MAGI2: variants seen among roughly 807,000 people sequenced by gnomAD.
MAGI2 encodes membrane associated guanylate kinase, WW and PDZ domain containing 2.
MAGI2 carries 35 observed loss-of-function variants against 133.3 expected under a neutral mutation model. That is an observed-to-expected ratio of 0.26 (90% CI 0.20 to 0.35). The LOEUF is 0.35. Among genes scored for constraint, MAGI2 ranks in the 10% least tolerant of loss-of-function variants. MAGI2 has a pLI of 1.00. For synonymous variants in MAGI2, 729 were observed against 710.6 expected, an observed-to-expected ratio of 1.03 and a Z score of -0.41; for missense variants, 1,636 against 1,863.4, an observed-to-expected ratio of 0.88 and a Z score of 2.25.
At position 78,624,078 on chromosome 7, in the gene MAGI2, T is replaced by C. The variant is rs147569736; in HGVS notation, c.538+3042A>G. ...GTTTTGATTTGTGTTTCTTTAATGA[T>C]CAGTGATGTTGAGTTTTTTTCATGT... On this transcript the variant is annotated intron_variant, in intron 3 of 21. Transcript: ENST00000354212. Among the ~76,000 whole-genome samples, 1,036 of 152,264 alleles carry C rather than the reference T, an allele frequency of 6.8e-3. 14 individuals carry two copies. Among genetic ancestry groups the C allele is most frequent in the African/African-American group, 0.018 (763 of 41,570 alleles).
At chr7:78,558,406 A>G (rs1029280695) in intron 3 of MAGI2, among the ~76,000 whole-genome samples, 4 of 152,218 alleles carry the variant, frequency 2.6e-5, no homozygotes, top group African/African-American at 9.6e-5. Context: ...AGTATTATTC[A>G]TGATGACAAT....
At chr7:79,214,397 CTCTCTCTCTCTATATATA>C (rs1308038271) in intron 1 of MAGI2, among the ~76,000 whole-genome samples, 41 of 82,718 alleles carry the variant, frequency 5.0e-4, no homozygotes, top group African/African-American at 1.9e-3. Flanking sequence ...CTCTCTCTCT[CTCTCTCTCTCTATATATA>C]TATATATATA....
intron 3 of MAGI2, among the ~76,000 whole-genome samples, chr7:78,536,735 AG>A (rs1165781919): frequency 7.3e-6 from 1 of 137,156 alleles, no homozygotes; most frequent in Non-Finnish European, 1.6e-5. Context: ...AAATTTCAAT[AG>A]TTTTTTTTTT....
At chr7:78,448,542 T>C (rs773415097) in intron 6 of MAGI2, among the ~76,000 whole-genome samples, 2 of 152,064 alleles carry the variant, frequency 1.3e-5, no homozygotes, top group Non-Finnish European at 2.9e-5. Context: ...CCAAATCCCA[T>C]GGCCAACACT....
At chr7:78,358,501 C>T (rs551347580) in intron 7 of MAGI2, 69 of 155,400 alleles carry the variant, frequency 4.4e-4, no homozygotes, top group South Asian at 1.5e-3. Context: ...AAGGCCCACC[C>T]GCCCCGCCAT....
At chr7:79,215,271 G>A (rs1346703783) in intron 1 of MAGI2, among the ~76,000 whole-genome samples, 2 of 151,942 alleles carry the variant, frequency 1.3e-5, no homozygotes, top group African/African-American at 2.4e-5. Flanking sequence ...GAAAGAAATC[G>A]AAGTATTTTA....
At chr7:78,038,294 A>C (rs1182358145) in intron 21 of MAGI2, among the ~76,000 whole-genome samples, 3 of 152,176 alleles carry the variant, frequency 2.0e-5, no homozygotes, top group African/African-American at 4.8e-5. Flanking sequence ...AAGTGGAGCC[A>C]CCTTAATTTT....
chr7:79,434,872 C>G (rs4730829), intron 1 of MAGI2, among the ~76,000 whole-genome samples: 120,769 of 152,170 alleles, frequency 0.79, 48,053 homozygotes, highest in African/African-American at 0.84. Context: ...TCCTTAATGT[C>G]GTGGGCCTCA....
chr7:79,308,289 T>C (rs1483583497), intron 1 of MAGI2, among the ~76,000 whole-genome samples: 1 of 152,162 alleles, frequency 6.6e-6, no homozygotes, highest in Non-Finnish European at 1.5e-5. Flanking sequence ...TCTTATGAAA[T>C]AGATTCTGCT....
At chr7:78,853,203 C>A (rs1379281466) in intron 2 of MAGI2, among the ~76,000 whole-genome samples, 2 of 151,648 alleles carry the variant, frequency 1.3e-5, no homozygotes, top group East Asian at 3.9e-4. Context: ...TTGTGAGGAA[C>A]AACATAACTT....
rs995756119 is a variant in MAGI2 at position 79,053,921 on chromosome 7, G to T, written c.302-46715C>A. On this transcript the variant is annotated intron_variant, in intron 1 of 21. Coordinates refer to ENST00000354212, the MANE Select transcript of MAGI2 (RefSeq NM_012301.4). ...TGTTATAAATATAAAATTTGGCTGGGAGCGGTGACTCACACCTGTAATCCC... is the reference window on the plus strand; with the variant it reads ...TGTTATAAATATAAAATTTGGCTGGTAGCGGTGACTCACACCTGTAATCCC... Among the ~76,000 whole-genome samples the T allele has an allele frequency of 5.9e-5, 9 of 152,298 alleles. No individual in the cohort carries two copies. In the East Asian group the frequency reaches 1.7e-3, roughly 29 times the overall value.
chr7:79,323,339 G>A (rs1204408723), intron 1 of MAGI2, among the ~76,000 whole-genome samples: 1 of 152,196 alleles, frequency 6.6e-6, no homozygotes, highest in African/African-American at 2.4e-5. Flanking sequence ...GGTAGAAAAT[G>A]ATACTAGAAT....
At position 78,819,982 on chromosome 7, in the gene MAGI2, A is replaced by G. The variant is rs376118472; in HGVS notation, c.418+187108T>C. Among the ~76,000 whole-genome samples the G allele has an allele frequency of 2.0e-5, 3 of 152,106 alleles. No individual in the cohort carries two copies. In the East Asian group the frequency reaches 5.8e-4, roughly 29 times the overall value. ...CCTTATCATGAGACACAATACATCT[A>G]TTTAGTAGTTTTCAGCTAAGTCCAT... On this transcript the variant is annotated intron_variant, in intron 2 of 21. Transcript: ENST00000354212.
At chr7:78,273,213 T>A (rs143501507) in intron 9 of MAGI2, among the ~76,000 whole-genome samples, 2,787 of 152,288 alleles carry the variant, frequency 0.018, 91 homozygotes, top group African/African-American at 0.064. Flanking sequence ...TTAGTTGGGC[T>A]GGAGATGAAA....
chr7:79,249,940 T>TAA (rs1379908979), intron 1 of MAGI2, among the ~76,000 whole-genome samples: 40 of 152,212 alleles, frequency 2.6e-4, no homozygotes, highest in African/African-American at 8.4e-4. Context: ...AAAAGCACAT[T>TAA]AAATCATTTA....
chr7:78,979,869 A>C (rs760667380), intron 2 of MAGI2, among the ~76,000 whole-genome samples: 7 of 151,956 alleles, frequency 4.6e-5, no homozygotes, highest in South Asian at 4.1e-4. Context: ...ATATCTTTGC[A>C]ATCTTTCTGT....
At chr7:79,319,450 G>C (rs961893405) in intron 1 of MAGI2, among the ~76,000 whole-genome samples, 1 of 152,058 alleles carries the variant, frequency 6.6e-6, no homozygotes, top group African/African-American at 2.4e-5. Flanking sequence ...TTCATAGTTG[G>C]CTATGGTCAT....
intron 4 of MAGI2, among the ~76,000 whole-genome samples, chr7:78,506,496 C>T (rs1795099177): frequency 1.3e-5 from 2 of 152,162 alleles, no homozygotes. Flanking sequence ...TCTGGAGCAG[C>T]TGTCTGATGA....
rs536549583 is a variant in MAGI2 at position 78,332,414 on chromosome 7, G to A, written c.1408+11364C>T. On this transcript the variant is annotated intron_variant, in intron 9 of 21. Coordinates refer to ENST00000354212, the MANE Select transcript of MAGI2 (RefSeq NM_012301.4). Reference sequence around the variant, plus strand: ...ACCTATGTGTCATTATAAAAGGAGAGTAGGCTGGGCGCAGTGGCTCACGCC... The same window carrying A: ...ACCTATGTGTCATTATAAAAGGAGAATAGGCTGGGCGCAGTGGCTCACGCC... 7.9e-5 allele frequency among the ~76,000 whole-genome samples: 12 copies of A among 152,292 alleles called. 1 individual carries two copies. The highest frequency in any genetic ancestry group is 6.8e-3 in the Middle Eastern group (2 of 294).
Sources: allele counts gnomAD v4.1 joint callset (sites outside exome capture counted in the v4.1 genomes callset), GRCh38; gene constraint gnomAD v4.1.1; transcripts MANE v1.5; gene names NCBI Gene and HGNC (gene_info 2026-07-23, HGNC 2026-07-21).